The following AHCYL2 variants were observed in gnomAD, a reference collection of about 807,000 sequenced individuals.
The protein encoded by AHCYL2 is S-adenosylhomocysteine hydrolase-like protein 2.
AHCYL2 carries 28 observed loss-of-function variants against 81.4 expected under a neutral mutation model. The observed-to-expected ratio is 0.34, with a 90% confidence interval of 0.25 to 0.47. The LOEUF is 0.47. Among genes scored for constraint, AHCYL2 ranks in the 20% least tolerant of loss-of-function variants. The pLI is 1.00. For missense variants in AHCYL2, 551 were observed against 785.1 expected (o/e 0.70, Z 3.56); for synonymous variants, 272 against 290.2 (o/e 0.94, Z 0.64).
intron 1 of AHCYL2, among the ~76,000 whole-genome samples, chr7:129,279,543 G>C (rs1796353806): frequency 6.6e-6 from 1 of 152,186 alleles, no homozygotes; most frequent in South Asian, 2.1e-4. Context: ...GAGGATTCTT[G>C]GTTCTCATGC....
chr7:129,371,542 A>T (rs183129183), intron 1 of AHCYL2, among the ~76,000 whole-genome samples: 1 of 152,336 alleles, frequency 6.6e-6, no homozygotes, highest in Admixed American at 6.5e-5. Flanking sequence ...TTTCATGTGA[A>T]GGATTTTCTT....
intron 1 of AHCYL2, among the ~76,000 whole-genome samples, chr7:129,275,496 C>T (rs1275799638): frequency 6.6e-6 from 1 of 152,034 alleles, no homozygotes; most frequent in African/African-American, 2.4e-5. Context: ...ACACCTAAGA[C>T]ATAAGGAATG....
intron 6 of AHCYL2, among the ~76,000 whole-genome samples, chr7:129,402,994 T>C (rs143245275): frequency 2.0e-5 from 3 of 152,308 alleles, no homozygotes; most frequent in African/African-American, 7.2e-5. Flanking sequence ...AAGTCTTGAC[T>C]GAATATATTT....
At position 129,269,155 on chromosome 7, in the gene AHCYL2, C is replaced by G. The variant is rs149662717; in HGVS notation, c.363+43716C>G. Among the ~76,000 whole-genome samples the G allele has an allele frequency of 5.8e-3, 746 of 128,832 alleles. 11 individuals are homozygous for G. The highest frequency in any genetic ancestry group is 0.021 in the African/African-American group (711 of 33,732). 84.5% of individuals were successfully genotyped at this position (128,832 alleles called of 152,430 possible). On this transcript the variant is annotated intron_variant, in intron 1 of 16. Transcript: ENST00000325006. ...TGTTTTTTTTTTTTTTTCACTTACT[C>G]TGTTGCCCAGTCTGAAGTGTGGTGT... is the stretch of plus-strand genomic sequence containing the variant.
At chr7:129,405,564 G>C (rs1796264241) in intron 8 of AHCYL2, 1 of 403,948 alleles carries the variant, frequency 2.5e-6, no homozygotes, top group Admixed American at 4.2e-5. Flanking sequence ...ATGGCAGGGA[G>C]TGAGAAAATA....
intron 1 of AHCYL2, among the ~76,000 whole-genome samples, chr7:129,291,137 T>G (rs1420901668): frequency 6.6e-6 from 1 of 152,140 alleles, no homozygotes; most frequent in East Asian, 1.9e-4. Context: ...CTCAGGTTCT[T>G]TTCTCTTTTA....
At chr7:129,375,536 A>G in intron 1 of AHCYL2, 4 of 967,312 alleles carry the variant, frequency 4.1e-6, no homozygotes, top group East Asian at 5.4e-5. Flanking sequence ...ATGCGCATGC[A>G]AGTTGGGCCT....
chr7:129,370,480 C>A (rs919057264), intron 1 of AHCYL2, among the ~76,000 whole-genome samples: 19 of 152,096 alleles, frequency 1.2e-4, no homozygotes, highest in African/African-American at 4.3e-4. Context: ...GGGCAGATCA[C>A]GAGGTCAGGA....
At chr7:129,387,884 C>T (rs555424660) in intron 2 of AHCYL2, among the ~76,000 whole-genome samples, 42 of 152,288 alleles carry the variant, frequency 2.8e-4, no homozygotes, top group Non-Finnish European at 4.1e-4. Context: ...TTTGCTCCAG[C>T]TCCAAAAGAG....
intron 13 of AHCYL2, among the ~76,000 whole-genome samples, chr7:129,424,225 CAAAAAAAA>C (rs35521435): frequency 1.5e-5 from 1 of 67,368 alleles, no homozygotes; most frequent in African/African-American, 5.6e-5. Flanking sequence ...CCTGTCTCTA[CAAAAAAAA>C]AAAAAAAAAT....
intron 1 of AHCYL2, among the ~76,000 whole-genome samples, chr7:129,310,086 A>C (rs889338958): frequency 3.3e-5 from 5 of 152,150 alleles, no homozygotes; most frequent in African/African-American, 1.2e-4. Flanking sequence ...CATCTGTCTA[A>C]ATATATGATT....
chr7:129,427,853 T>C lies in AHCYL2; in HGVS notation c.*808T>C, dbSNP rs1240652084. The C allele has an allele frequency of 2.0e-5, 3 of 152,594 alleles. No individual in the cohort carries two copies. The highest frequency in any genetic ancestry group is 4.4e-5 in the Non-Finnish European group (3 of 68,022). 9.5% of individuals were successfully genotyped at this position (152,594 alleles called of 1,614,324 possible). ...TAGTTTTACTTCCTTGTCATTTGATTGGATAGTTTCCAAGGAAGCCCCTCC... is the reference window on the plus strand; with the variant it reads ...TAGTTTTACTTCCTTGTCATTTGATCGGATAGTTTCCAAGGAAGCCCCTCC... On this transcript the variant is annotated 3_prime_UTR_variant, in exon 17 of 17. Coordinates refer to ENST00000325006, the MANE Select transcript of AHCYL2 (RefSeq NM_015328.4). This position sits in a 1 kb window ranked among gnomAD's most constrained non-coding sequence, Gnocchi z 5.5.
intron 13 of AHCYL2, 193 bp from the exon 14 acceptor site, chr7:129,424,681 C>G (rs1237785379): frequency 9.9e-6 from 6 of 609,058 alleles, no homozygotes; most frequent in Non-Finnish European, 1.7e-5. Flanking sequence ...TTAGTTTCAT[C>G]AGATTTTCCA....
intron 1 of AHCYL2, among the ~76,000 whole-genome samples, chr7:129,272,012 A>G (rs1051814016): frequency 1.8e-4 from 27 of 152,224 alleles, no homozygotes; most frequent in African/African-American, 5.5e-4. Flanking sequence ...AATGTGGCAG[A>G]GATAACATTC....
At chr7:129,281,435 C>T (rs1240063048) in intron 1 of AHCYL2, among the ~76,000 whole-genome samples, 2 of 136,090 alleles carry the variant, frequency 1.5e-5, no homozygotes, top group Non-Finnish European at 3.2e-5. Context: ...TCCTTCTGAT[C>T]TTTATTTTCT....
At chr7:129,415,191 A>G (rs1002580300) in intron 12 of AHCYL2, among the ~76,000 whole-genome samples, 45 of 152,140 alleles carry the variant, frequency 3.0e-4, no homozygotes, top group African/African-American at 9.7e-4. Context: ...GGATATTAGT[A>G]TTTCTAAAAT....
At chr7:129,301,946 T>A (rs1797271562) in intron 1 of AHCYL2, among the ~76,000 whole-genome samples, 1 of 152,204 alleles carries the variant, frequency 6.6e-6, no homozygotes. Context: ...ATCCCTATTA[T>A]TACACTGATT....
At chr7:129,287,577 T>C (rs1195862379) in intron 1 of AHCYL2, among the ~76,000 whole-genome samples, 1 of 152,234 alleles carries the variant, frequency 6.6e-6, no homozygotes, top group Non-Finnish European at 1.5e-5. Context: ...AGAGGAAAGT[T>C]AAGGCAGCTC....
chr7:129,316,232 G>A (rs567806811), intron 1 of AHCYL2, among the ~76,000 whole-genome samples: 26 of 152,258 alleles, frequency 1.7e-4, no homozygotes, highest in African/African-American at 6.0e-4. Flanking sequence ...TGCTGAGGGG[G>A]ATAAATACAT....
Sources: allele counts gnomAD v4.1 joint callset (sites outside exome capture counted in the v4.1 genomes callset), GRCh38; gene constraint gnomAD v4.1.1; non-coding constraint Gnocchi (gnomAD v3.1); transcripts MANE v1.5; gene names NCBI Gene and HGNC (gene_info 2026-07-23, HGNC 2026-07-21).